Variants in ZDHHC14 observed in about 807,000 individuals in gnomAD.
ZDHHC14 encodes the protein zDHHC palmitoyltransferase 14.
In ZDHHC14, 16 loss-of-function variants were observed where a neutral mutation model predicts 47.7. The ratio of observed to expected loss-of-function variants is 0.34; its 90% CI spans 0.23 to 0.51. ZDHHC14 has a LOEUF of 0.51. Among genes scored for constraint, ZDHHC14 ranks in the 20% least tolerant of loss-of-function variants. ZDHHC14 has a pLI of 0.97. For synonymous variants in ZDHHC14, 293 were observed against 278.9 expected, an observed-to-expected ratio of 1.05 and a Z score of -0.50; for missense variants, 515 against 662.5, an observed-to-expected ratio of 0.78 and a Z score of 2.44.
chr6:157,579,288 C>A (rs1171598224), intron 2 of ZDHHC14, among the ~76,000 whole-genome samples: 2 of 149,026 alleles, frequency 1.3e-5, no homozygotes, highest in African/African-American at 5.0e-5. Context: ...AGCTCTGCCT[C>A]CCGGGTTCAT....
intron 2 of ZDHHC14, among the ~76,000 whole-genome samples, chr6:157,560,052 T>C (rs1782645485): frequency 6.6e-6 from 1 of 152,198 alleles, no homozygotes; most frequent in Non-Finnish European, 1.5e-5. Context: ...ACACTATACG[T>C]CTATGATGAA....
At chr6:157,404,162 A>G (rs1267068968) in intron 1 of ZDHHC14, among the ~76,000 whole-genome samples, 1 of 152,160 alleles carries the variant, frequency 6.6e-6, no homozygotes, top group African/African-American at 2.4e-5. Flanking sequence ...TTTTTGAGAG[A>G]GTCTCGCTCT....
intron 2 of ZDHHC14, among the ~76,000 whole-genome samples, chr6:157,587,514 G>A (rs1251586233): frequency 6.6e-6 from 1 of 152,170 alleles, no homozygotes; most frequent in Non-Finnish European, 1.5e-5. Context: ...GCCAAAAGAG[G>A]GTATCCTGCT....
At chr6:157,569,985 A>G (rs556463698) in intron 2 of ZDHHC14, among the ~76,000 whole-genome samples, 1 of 152,344 alleles carries the variant, frequency 6.6e-6, no homozygotes, top group East Asian at 1.9e-4. Context: ...TGTGTTGATT[A>G]GAGGCAAAAA....
chr6:157,457,663 A>G (rs1419311444), intron 1 of ZDHHC14, among the ~76,000 whole-genome samples: 1 of 152,252 alleles, frequency 6.6e-6, no homozygotes, highest in Non-Finnish European at 1.5e-5. Context: ...ATTCATGTCC[A>G]AAATTATGCC....
At chr6:157,386,464 G>A (rs1416703725) in intron 1 of ZDHHC14, among the ~76,000 whole-genome samples, 1 of 152,194 alleles carries the variant, frequency 6.6e-6, no homozygotes, top group East Asian at 1.9e-4. Flanking sequence ...CTTCAGGGAT[G>A]TCTGGGGACC....
intron 8 of ZDHHC14, among the ~76,000 whole-genome samples, chr6:157,657,530 C>T (rs889210160): frequency 5.9e-5 from 9 of 152,176 alleles, no homozygotes; most frequent in African/African-American, 1.9e-4. Flanking sequence ...GGCTCAGGCA[C>T]ATGATATGTG....
At chr6:157,505,826 A>G (rs1441627143) in intron 1 of ZDHHC14, among the ~76,000 whole-genome samples, 5 of 152,244 alleles carry the variant, frequency 3.3e-5, no homozygotes, top group Non-Finnish European at 7.3e-5. Context: ...ATCAGAGTTG[A>G]TATTTGCCAG....
chr6:157,575,188 C>A (rs1343883914), intron 2 of ZDHHC14, among the ~76,000 whole-genome samples: 1 of 152,212 alleles, frequency 6.6e-6, no homozygotes, highest in Non-Finnish European at 1.5e-5. Context: ...TCAGTATTTG[C>A]TCTGAAGATC....
At chr6:157,602,260 A>C (rs948147229) in intron 3 of ZDHHC14, among the ~76,000 whole-genome samples, 1 of 151,004 alleles carries the variant, frequency 6.6e-6, no homozygotes, top group Non-Finnish European at 1.5e-5. Context: ...TAATCCCAGC[A>C]CTTTGGGAGG....
At chr6:157,575,391 A>G (rs1485036713) in intron 2 of ZDHHC14, among the ~76,000 whole-genome samples, 1 of 152,182 alleles carries the variant, frequency 6.6e-6, no homozygotes, top group Non-Finnish European at 1.5e-5. Flanking sequence ...TTCCTTTTGC[A>G]CTCAGAATGA....
chr6:157,508,841 T>A (rs1456782237), intron 1 of ZDHHC14, among the ~76,000 whole-genome samples: 1 of 152,242 alleles, frequency 6.6e-6, no homozygotes, highest in Non-Finnish European at 1.5e-5. Flanking sequence ...TCCTTCTTGT[T>A]CTCTAACTGT....
intron 8 of ZDHHC14, among the ~76,000 whole-genome samples, chr6:157,658,415 G>T (rs899212160): frequency 2.6e-5 from 4 of 152,166 alleles, no homozygotes; most frequent in African/African-American, 9.7e-5. Context: ...CAACATCTCA[G>T]TCCACACATG....
In ZDHHC14 at chr6:157,387,226, C is replaced by G. The variant is rs142233263; in HGVS notation, c.245+4960C>G. On this transcript the variant is annotated intron_variant, in intron 1 of 8. Coordinates refer to ENST00000359775, the MANE Select transcript of ZDHHC14 (RefSeq NM_024630.3). ...TTCTTCTTTTTACATTTAGCTAATT[C>G]CTCTGAAAAAAAAAAACAGTGAATA... Among the ~76,000 whole-genome samples the G allele has an allele frequency of 2.2e-3, 326 of 150,630 alleles. 1 individual carries two copies. The highest frequency in any genetic ancestry group is 3.9e-3 in the Admixed American group (60 of 15,228).
intron 3 of ZDHHC14, among the ~76,000 whole-genome samples, chr6:157,595,174 A>ATTTTTTTTTTTTTTTTTTTTTTTTTTTT (rs777568494): frequency 3.2e-5 from 2 of 62,700 alleles, no homozygotes; most frequent in African/African-American, 1.5e-4. Context: ...TCTAGGCTAG[A>ATTTTTTTTTTTTTTTTTTTTTTTTTTTT]TTTTTTTTTT....
chr6:157,458,200 T>G (rs1001591459), intron 1 of ZDHHC14, among the ~76,000 whole-genome samples: 3 of 152,230 alleles, frequency 2.0e-5, no homozygotes, highest in African/African-American at 7.2e-5. Flanking sequence ...CGGGGTAATT[T>G]TATGTGATTG....
chr6:157,395,087 A>T (rs901545092), intron 1 of ZDHHC14, among the ~76,000 whole-genome samples: 4 of 149,588 alleles, frequency 2.7e-5, no homozygotes, highest in African/African-American at 9.9e-5. Flanking sequence ...GTGAGTACTG[A>T]CAGTTTAGAC....
chr6:157,554,733 TA>T (rs1287829627), intron 2 of ZDHHC14, among the ~76,000 whole-genome samples: 6 of 152,230 alleles, frequency 3.9e-5, no homozygotes, highest in African/African-American at 9.6e-5. Flanking sequence ...AGCCAGCGAG[TA>T]AAAAAACGTC....
chr6:157,609,051 C>G lies in ZDHHC14; in HGVS notation c.565+15905C>G, dbSNP rs150702788. On this transcript the variant is annotated intron_variant, in intron 3 of 8. Coordinates refer to ENST00000359775, the MANE Select transcript of ZDHHC14 (RefSeq NM_024630.3). ...TTTTTCCCCATGCTACCAAGTAATGCTTTTAAGGAAAAGTAGAGTTCACAT... is the reference window on the plus strand; with the variant it reads ...TTTTTCCCCATGCTACCAAGTAATGGTTTTAAGGAAAAGTAGAGTTCACAT... Among the ~76,000 whole-genome samples the G allele has an allele frequency of 1.3e-5, 2 of 152,278 alleles. 1 individual carries two copies. The highest frequency in any genetic ancestry group is 4.2e-4 in the South Asian group (2 of 4,814).
Sources: gnomAD v4.1 joint callset for allele counts (sites outside exome capture counted in the v4.1 genomes callset) on GRCh38, gnomAD v4.1.1 for gene constraint, MANE v1.5 for transcripts, NCBI Gene and HGNC (gene_info 2026-07-23, HGNC 2026-07-21) for gene names.